Variants in KLHL13 observed in about 807,000 individuals in gnomAD.
The protein encoded by KLHL13 is kelch-like protein 13.
KLHL13 carries 10 observed loss-of-function variants against 37.1 expected under a neutral mutation model. The ratio of observed to expected loss-of-function variants is 0.27; its 90% CI spans 0.17 to 0.46. The LOEUF (loss-of-function observed/expected upper bound fraction) is 0.46. Among genes scored for constraint, KLHL13 ranks in the 20% least tolerant of loss-of-function variants. KLHL13 has a pLI of 1.00. For missense variants in KLHL13, 360 were observed against 509.3 expected, an observed-to-expected ratio of 0.71 and a Z score of 2.82; for synonymous variants, 163 against 181.2, an observed-to-expected ratio of 0.90 and a Z score of 0.81.
rs529410550 is a variant in KLHL13 at position 118,025,721 on chromosome X, G to A, written c.-55-80146C>T. Among the ~76,000 whole-genome samples, 18 of 111,885 alleles carry A rather than the reference G, an allele frequency of 1.6e-4. No individual in the cohort carries two copies. The East Asian group carries it at 4.5e-3, about 28-fold the overall frequency. ...TAAGAAACCTGCACATCCTGCACATGTATCCCAGAACTTAAAACAAAATTA... is the reference window on the plus strand; with the variant it reads ...TAAGAAACCTGCACATCCTGCACATATATCCCAGAACTTAAAACAAAATTA... On this transcript the variant is annotated intron_variant, in intron 1 of 6. Coordinates refer to the KLHL13 transcript ENST00000371882.
intron 5 of KLHL13, among the ~76,000 whole-genome samples, chrX:117,907,827 G>C (rs1465619128): frequency 9.0e-6 from 1 of 111,035 alleles, no homozygotes; most frequent in Non-Finnish European, 1.9e-5. Context: ...GAAAAGATCA[G>C]GAAAAAGACC....
At chrX:117,957,028 T>C (rs183807997) in intron 1 of KLHL13, among the ~76,000 whole-genome samples, 1 of 111,690 alleles carries the variant, frequency 9.0e-6, no homozygotes, top group Admixed American at 9.6e-5. Flanking sequence ...GATAAAATAT[T>C]TGGATTCTAA....
At chrX:117,926,784 A>G (rs886655541) in intron 2 of KLHL13, among the ~76,000 whole-genome samples, 2 of 101,852 alleles carry the variant, frequency 2.0e-5, no homozygotes, top group African/African-American at 3.6e-5. Flanking sequence ...CCCCTATCTT[A>G]TATTTCCCAG....
chrX:117,985,175 T>C lies in KLHL13; in HGVS notation c.-55-39600A>G. 4.8e-6 allele frequency: 4 copies of C among 833,770 alleles called. No homozygotes were observed. In the South Asian group the frequency reaches 1.1e-4, roughly 24 times the overall value. 68.7% of individuals were successfully genotyped at this position (833,770 alleles called of 1,213,427 possible). A position where few individuals can be genotyped will look rare whatever the true frequency, so the allele number is the denominator to read the frequency against. Reference sequence around the variant, plus strand: ...ATCGCTTCACAGCCACATATGGAAATAACAGGCTTGCTATTTTAATGAGTA... The same window carrying C: ...ATCGCTTCACAGCCACATATGGAAACAACAGGCTTGCTATTTTAATGAGTA... On this transcript the variant is annotated intron_variant, in intron 1 of 6. Coordinates refer to the KLHL13 transcript ENST00000371882.
chrX:117,943,609 T>A (rs748218788), intron 2 of KLHL13, among the ~76,000 whole-genome samples: 1 of 108,391 alleles, frequency 9.2e-6, no homozygotes, highest in South Asian at 4.1e-4. Context: ...TTCTTCTGCT[T>A]GATTGATTTG....
At chrX:117,913,775 G>A (rs1162395315) in intron 4 of KLHL13, among the ~76,000 whole-genome samples, 1 of 108,567 alleles carries the variant, frequency 9.2e-6, no homozygotes, top group Non-Finnish European at 1.9e-5. Context: ...CCCGGGAGGC[G>A]GAGGTTGCTG....
intron 1 of KLHL13, among the ~76,000 whole-genome samples, chrX:118,097,806 T>C (rs926957298): frequency 9.0e-6 from 1 of 111,413 alleles, no homozygotes; most frequent in Non-Finnish European, 1.9e-5. Context: ...TTTGACAAAC[T>C]GGAGGAAAAC....
intron 1 of KLHL13, among the ~76,000 whole-genome samples, chrX:118,076,954 G>A (rs1411111216): frequency 1.9e-5 from 2 of 103,542 alleles, no homozygotes; most frequent in African/African-American, 7.2e-5. Flanking sequence ...CCCACCCCTT[G>A]ATAGATAATC....
intron 1 of KLHL13, among the ~76,000 whole-genome samples, chrX:118,031,470 GAT>G (rs1191932439): frequency 1.4e-4 from 12 of 86,050 alleles, no homozygotes; most frequent in African/African-American, 5.5e-4. Context: ...TATATATTTA[GAT>G]ATATATATAG....
At chrX:118,096,940 G>A (rs1419894589) in intron 1 of KLHL13, among the ~76,000 whole-genome samples, 1 of 111,006 alleles carries the variant, frequency 9.0e-6, no homozygotes, top group Non-Finnish European at 1.9e-5. Context: ...AAAATAATAA[G>A]AGCTATCTAT....
In KLHL13 at chrX:118,010,668, C is replaced by T. The variant is rs184620274; in HGVS notation, c.-55-65093G>A. 6.0e-3 allele frequency among the ~76,000 whole-genome samples: 568 copies of T among 94,292 alleles called. 4 individuals carry two copies. The highest frequency in any genetic ancestry group is 0.021 in the African/African-American group (528 of 25,594). The allele number at this position is 94,292 out of a possible 115,157, so 81.9% of individuals were successfully genotyped here. A position where few individuals can be genotyped will look rare whatever the true frequency, so the allele number is the denominator to read the frequency against. On this transcript the variant is annotated intron_variant, in intron 1 of 6. Coordinates refer to the KLHL13 transcript ENST00000371882. ...TGACGAGTTAGTGGGTGCAGCGCACCAGCATGGCACATGTATACATATGTA... is the reference window on the plus strand; with the variant it reads ...TGACGAGTTAGTGGGTGCAGCGCACTAGCATGGCACATGTATACATATGTA...
intron 1 of KLHL13, among the ~76,000 whole-genome samples, chrX:117,987,366 G>A (rs978721879): frequency 1.8e-5 from 2 of 111,584 alleles, no homozygotes; most frequent in African/African-American, 6.5e-5. Context: ...ATCTCCAAGG[G>A]TGAGCTTTAA....
At chrX:118,104,515 C>T (rs889212149) in intron 1 of KLHL13, among the ~76,000 whole-genome samples, 3 of 111,663 alleles carry the variant, frequency 2.7e-5, no homozygotes, top group Admixed American at 1.9e-4. Context: ...AAGATCAATA[C>T]CTTTATGACA....
At chrX:118,036,187 C>T (rs778563638) in intron 1 of KLHL13, among the ~76,000 whole-genome samples, 4,615 of 103,658 alleles carry the variant, frequency 0.045, 318 homozygotes, top group African/African-American at 0.16. Context: ...TTTACAGATT[C>T]AATGCCATCC....
rs1556002571 is a variant in KLHL13, at chrX:118,089,620, G to GAGAAAGAAAGAAAGAAAGA, written c.-56+26869_-56+26887dup. Among the ~76,000 whole-genome samples, 249 of 71,914 alleles carry GAGAAAGAAAGAAAGAAAGA rather than the reference G, an allele frequency of 3.5e-3. 2 individuals carry two copies. The highest frequency in any genetic ancestry group is 0.014 in the African/African-American group (238 of 17,292). 62.4% of individuals were successfully genotyped at this position (71,914 alleles called of 115,157 possible). ...AGAGAGAGAGAGAGAGAGAAAGAAA[G>GAGAAAGAAAGAAAGAAAGA]AGAAAGAAAGAAAGAAAGAAAGAAA... On this transcript the variant is annotated intron_variant, in intron 1 of 6. Transcript: ENST00000371882.
intron 1 of KLHL13, among the ~76,000 whole-genome samples, chrX:118,004,577 T>C (rs896607733): frequency 3.6e-5 from 4 of 112,121 alleles, no homozygotes; most frequent in Admixed American, 2.8e-4. Flanking sequence ...TGAGACCATT[T>C]GGCATCAAAA....
intron 1 of KLHL13, among the ~76,000 whole-genome samples, chrX:118,053,789 G>GTA (rs1206785149): frequency 1.2e-5 from 1 of 80,983 alleles, no homozygotes; most frequent in Non-Finnish European, 2.2e-5. Flanking sequence ...GTGTGTGTGT[G>GTA]TGTGTGTGTG....
chrX:118,089,967 G>A (rs2055110019), intron 1 of KLHL13, among the ~76,000 whole-genome samples: 1 of 108,142 alleles, frequency 9.2e-6, no homozygotes, highest in Non-Finnish European at 1.9e-5. Context: ...TATAGTCCCA[G>A]CTACTCAAGA....
At chrX:117,954,108 A>G (rs1046487256) in intron 1 of KLHL13, among the ~76,000 whole-genome samples, 1 of 111,944 alleles carries the variant, frequency 8.9e-6, no homozygotes, top group African/African-American at 3.2e-5. Flanking sequence ...TTAGATAACT[A>G]TAACAGGATG....
Sources: allele counts gnomAD v4.1 joint callset (sites outside exome capture counted in the v4.1 genomes callset), GRCh38; gene constraint gnomAD v4.1.1; transcripts MANE v1.5; gene names NCBI Gene and HGNC (gene_info 2026-07-23, HGNC 2026-07-21).